NUP188: variants seen among roughly 807,000 people sequenced by gnomAD.
The protein encoded by NUP188 is nucleoporin NUP188.
NUP188 carries 97 observed loss-of-function variants against 223.0 expected under a neutral mutation model. That is an observed-to-expected ratio of 0.43 (90% confidence interval 0.37 to 0.51). The LOEUF is 0.51. NUP188 is among the 20% of genes least tolerant of loss of function. The pLI is 0.00. For missense variants in NUP188, 1,947 were observed against 2,175.6 expected, an observed-to-expected ratio of 0.89 and a Z score of 2.09; for synonymous variants, 869 against 828.0, an observed-to-expected ratio of 1.05 and a Z score of -0.85.
rs907194179 is a variant in NUP188, at chr9:128,987,461, G to A, written c.2265-128G>A. On this transcript the variant is annotated intron_variant, in intron 22 of 43. Coordinates refer to ENST00000372577, the MANE Select transcript of NUP188 (RefSeq NM_015354.3). ...CAGGAAAGTGATCAGAGTGCCTTCA[G>A]CTTGCAGAGAGCTGGTCTCCAGTGT... is the stretch of plus-strand genomic sequence containing the variant. 11 of 788,078 alleles carry A rather than the reference G, an allele frequency of 1.4e-5. No homozygotes were observed. The African/African-American group carries it at 1.8e-4, about 13-fold the overall frequency. The allele number at this position is 788,078 out of a possible 1,614,324, so 48.8% of individuals were successfully genotyped here.
chr9:128,986,091 A>G (rs972311732), intron 20 of NUP188, among the ~76,000 whole-genome samples: 16 of 152,182 alleles, frequency 1.1e-4, no homozygotes, highest in Non-Finnish European at 2.1e-4. Context: ...AGATATTTAT[A>G]TATAACTAAA....
intron 24 of NUP188, among the ~76,000 whole-genome samples, 156 bp from the exon 25 acceptor site, chr9:128,989,964 G>C (rs770275114): frequency 1.3e-5 from 2 of 152,192 alleles, no homozygotes; most frequent in Non-Finnish European, 2.9e-5. Flanking sequence ...CCTCAATCAA[G>C]AGAAGGATAC....
intron 8 of NUP188, among the ~76,000 whole-genome samples, chr9:128,967,386 G>A (rs991856065): frequency 1.3e-5 from 2 of 152,188 alleles, no homozygotes; most frequent in Non-Finnish European, 2.9e-5. Context: ...GGTGTATGGT[G>A]GCTCAGGCCT....
At chr9:129,004,073 C>T (rs12685767) in intron 38 of NUP188, 47,169 of 160,112 alleles carry the variant, frequency 0.29, 8,183 homozygotes, top group Admixed American at 0.39. Flanking sequence ...GTCAGGAGCT[C>T]GAGACCAGGC....
In NUP188 at chr9:129,005,495, T is replaced by G; in HGVS notation, c.4702T>G (p.Phe1568Val). The stretch of plus-strand genomic sequence containing the variant: ...CAAGACGCTGGCAGCCCTGCGCCAC[T>G]TCACCCCAGATGTCTGCCAGATTCT... Reference protein sequence around the residue: ...LSKTLAALRHFTPDVCQILLD... With the variant: ...LSKTLAALRHVTPDVCQILLD... Residue 1568 changes from phenylalanine (F) to valine (V), a missense_variant, in exon 40 of 44, where the codon TTC becomes GTC. By Grantham distance (50) the Phe-to-Val change is conservative. Around this residue, in one of 3 missense-constraint regions of NUP188, gnomAD observed 905 missense variants for 990.6 expected, o/e 0.91. Coordinates refer to ENST00000372577, the MANE Select transcript of NUP188 (RefSeq NM_015354.3). 1 of 1,606,232 alleles carries G rather than the reference T, an allele frequency of 6.2e-7. No homozygotes were observed. Among genetic ancestry groups the G allele is most frequent in the East Asian group, 2.2e-5 (1 of 44,848 alleles).
intron 22 of NUP188, among the ~76,000 whole-genome samples, chr9:128,987,084 A>AGT (rs1337461997): frequency 1.9e-4 from 25 of 128,220 alleles, no homozygotes; most frequent in Admixed American, 6.9e-4. Flanking sequence ...AGAGAGAGAG[A>AGT]GAGAGTGTGT....
intron 12 of NUP188, among the ~76,000 whole-genome samples, chr9:128,977,278 C>T (rs528418133): frequency 6.6e-6 from 1 of 151,980 alleles, no homozygotes; most frequent in Admixed American, 6.5e-5. Flanking sequence ...CGCCGCCATA[C>T]CCAGCTAATT....
At position 128,987,594 on chromosome 9, in the gene NUP188, C is replaced by A. The variant is rs1564561571; in HGVS notation, c.2270C>A (p.Thr757Asn). 1.9e-6 allele frequency: 3 copies of A among 1,611,932 alleles called. No homozygotes were observed. Among genetic ancestry groups the A allele is most frequent in the African/African-American group, 2.7e-5 (2 of 74,884 alleles). ...CHETDLHSSH[T>N]PSLQFLCICS... is the part of the protein sequence containing the mutation. ...AGAATACCTCTGTCTTCCAGTCATA[C>A]TCCCAGCCTGCAGTTTCTCTGCATC... The change falls in exon 23 of 44, where the codon ACT (threonine) becomes AAT (asparagine). Residue 757 changes from threonine (T) to asparagine (N), a missense_variant. Thr to Asn is a moderately conservative substitution (Grantham distance 65, BLOSUM62 0). Transcript: ENST00000372577.
At chr9:128,984,584 G>A (rs1178736315) in intron 19 of NUP188, among the ~76,000 whole-genome samples, 1 of 152,232 alleles carries the variant, frequency 6.6e-6, no homozygotes, top group East Asian at 1.9e-4. Flanking sequence ...GGGTTCTCGA[G>A]CTCAGCCAGT....
intron 20 of NUP188, chr9:128,985,263 A>C (rs1015275955): frequency 5.3e-6 from 2 of 378,248 alleles, no homozygotes; most frequent in African/African-American, 4.2e-5. Flanking sequence ...GTAGAATGGA[A>C]GAGGCCAAAA....
chr9:129,005,894 C>T, intron 41 of NUP188, 118 bp downstream of exon 41: 3 of 1,434,356 alleles, frequency 2.1e-6, no homozygotes, highest in South Asian at 1.3e-5. Context: ...CTGCTCCTCT[C>T]TGTAAACTGA....
intron 19 of NUP188, among the ~76,000 whole-genome samples, chr9:128,984,033 A>T (rs1192296413): frequency 3.3e-5 from 5 of 149,408 alleles, no homozygotes; most frequent in Non-Finnish European, 7.4e-5. Flanking sequence ...TGTTGGTCTG[A>T]CTCGTCTGGA....
intron 8 of NUP188, among the ~76,000 whole-genome samples, chr9:128,968,271 CT>C (rs990343009): frequency 1.8e-3 from 277 of 150,516 alleles, no homozygotes; most frequent in African/African-American, 6.7e-3. Flanking sequence ...AAATCTGTCT[CT>C]TAAAAAAAAA....
At chr9:128,971,970 C>T (rs557447469) in intron 11 of NUP188, among the ~76,000 whole-genome samples, 7 of 151,828 alleles carry the variant, frequency 4.6e-5, no homozygotes, top group Non-Finnish European at 8.8e-5. Context: ...TGGGGTTTCA[C>T]CATGTTGGCA....
intron 34 of NUP188, among the ~76,000 whole-genome samples, chr9:129,000,148 T>C (rs967883706): frequency 6.6e-6 from 1 of 152,154 alleles, no homozygotes; most frequent in African/African-American, 2.4e-5. Flanking sequence ...TTGATCTGAT[T>C]TTTACTCTAG....
intron 30 of NUP188, among the ~76,000 whole-genome samples, chr9:128,996,464 G>A (rs1842527925): frequency 6.6e-6 from 1 of 152,092 alleles, no homozygotes; most frequent in South Asian, 2.1e-4. Context: ...TTAATCTTTT[G>A]ACTTCATGAA....
chr9:128,991,632 A>G (rs1363559938), intron 25 of NUP188, among the ~76,000 whole-genome samples: 4 of 151,952 alleles, frequency 2.6e-5, no homozygotes, highest in Non-Finnish European at 4.4e-5. Flanking sequence ...GCCTGAGCTC[A>G]GGAGTTTGAA....
intron 29 of NUP188, 65 bp downstream of exon 29, chr9:128,994,988 A>G (rs766011663): frequency 9.0e-6 from 11 of 1,225,936 alleles, no homozygotes; most frequent in South Asian, 1.2e-5. Flanking sequence ...GTGGCCTACC[A>G]CTGGGTGCAT....
chr9:128,996,727 G>GGCA (rs1328702757), intron 30 of NUP188, among the ~76,000 whole-genome samples: 5 of 152,200 alleles, frequency 3.3e-5, no homozygotes, highest in African/African-American at 1.2e-4. Flanking sequence ...GCCCTAGTTA[G>GGCA]GCAGCAGTTC....
Sources: allele counts gnomAD v4.1 joint callset (sites outside exome capture counted in the v4.1 genomes callset), GRCh38; gene constraint gnomAD v4.1.1; regional missense constraint gnomAD v4.1.1; transcripts MANE v1.5; gene names NCBI Gene and HGNC (gene_info 2026-07-23, HGNC 2026-07-21).